Variants in DACH2 observed in about 807,000 individuals in gnomAD.
DACH2 encodes dachshund homolog 2.
A neutral mutation model predicts 35.8 loss-of-function variants in DACH2; 17 were observed. That is an observed-to-expected ratio of 0.48 (90% CI 0.33 to 0.71). DACH2 has a LOEUF of 0.71. Ranked by LOEUF, DACH2 falls within the 30% of genes least tolerant of loss-of-function variation. DACH2 has a pLI of 0.02. For missense variants in DACH2, 469 were observed against 472.7 expected, an observed-to-expected ratio of 0.99 and a Z score of 0.07; for synonymous variants, 195 against 177.3, an observed-to-expected ratio of 1.10 and a Z score of -0.79.
intron 5 of DACH2, among the ~76,000 whole-genome samples, chrX:86,708,997 T>C (rs907420423): frequency 1.8e-5 from 2 of 111,524 alleles, no homozygotes; most frequent in African/African-American, 6.5e-5. Flanking sequence ...ATCTATAGAT[T>C]CAATATATTC....
At chrX:86,736,940 C>T (rs757318871) in intron 6 of DACH2, among the ~76,000 whole-genome samples, 56 of 111,312 alleles carry the variant, frequency 5.0e-4, no homozygotes, top group Non-Finnish European at 9.8e-4. Context: ...GAATGTTCTG[C>T]GGTTTTTGCA....
chrX:86,444,786 T>A (rs1278244865), intron 2 of DACH2, among the ~76,000 whole-genome samples: 7 of 111,608 alleles, frequency 6.3e-5, no homozygotes, highest in Non-Finnish European at 1.1e-4. Flanking sequence ...TCTTCTATGA[T>A]TTTTTAATTC....
At chrX:86,578,199 G>T (rs1183350757) in intron 3 of DACH2, among the ~76,000 whole-genome samples, 2 of 110,998 alleles carry the variant, frequency 1.8e-5, no homozygotes, top group Admixed American at 9.6e-5. Context: ...GCATTAAATT[G>T]GAGGAAATTC....
At chrX:86,799,253 C>A in intron 7 of DACH2, 1 of 175,444 alleles carries the variant, frequency 5.7e-6, no homozygotes. Flanking sequence ...GTGGCCACCC[C>A]TTCCCAACAG....
chrX:86,387,650 A>G (rs1423151116), intron 2 of DACH2, among the ~76,000 whole-genome samples: 1 of 112,161 alleles, frequency 8.9e-6, no homozygotes, highest in East Asian at 2.8e-4. Context: ...GCATAATTCA[A>G]TGCAAATTTC....
Position 86,714,639 on chromosome X carries a change from C to T in DACH2, c.1023C>T (p.Asn341=). The T allele has an allele frequency of 8.3e-7, 1 of 1,208,858 alleles. No individual in the cohort carries two copies. Among genetic ancestry groups the T allele is most frequent in the Non-Finnish European group, 1.1e-6 (1 of 893,250 alleles). ...ASVAMAMNQM[N]HLNTIANMAA... Reference sequence around the variant, plus strand: ...TTGCCATGGCAATGAATCAGATGAACCATCTCAATACTATTGCCAACATGG... The same window carrying T: ...TTGCCATGGCAATGAATCAGATGAATCATCTCAATACTATTGCCAACATGG... Residue 341 remains asparagine (N), a synonymous_variant, in exon 6 of 12, where the codon AAC becomes AAT. Coordinates refer to ENST00000373125, the MANE Select transcript of DACH2 (RefSeq NM_053281.3).
At chrX:86,255,176 A>G (rs1569318331) in intron 1 of DACH2, among the ~76,000 whole-genome samples, 2 of 111,301 alleles carry the variant, frequency 1.8e-5, no homozygotes, top group Non-Finnish European at 3.8e-5. Flanking sequence ...GGAAAAGATG[A>G]AAACAAAAAA....
At chrX:86,159,884 A>T (rs2030685454) in intron 1 of DACH2, among the ~76,000 whole-genome samples, 1 of 111,642 alleles carries the variant, frequency 9.0e-6, no homozygotes, top group Admixed American at 9.5e-5. Flanking sequence ...TTACCTGTCT[A>T]AATATATTTT....
intron 2 of DACH2, among the ~76,000 whole-genome samples, chrX:86,493,091 T>G (rs1367376841): frequency 8.9e-6 from 1 of 112,045 alleles, no homozygotes; most frequent in Non-Finnish European, 1.9e-5. Flanking sequence ...GTGTTCCCTT[T>G]TCTCTGTAGC....
intron 3 of DACH2, among the ~76,000 whole-genome samples, chrX:86,647,601 G>C (rs2040430483): frequency 1.8e-5 from 2 of 110,760 alleles, no homozygotes; most frequent in African/African-American, 3.3e-5. Context: ...GAGATCTACT[G>C]TACAGCATAG....
At chrX:86,436,093 C>T (rs56034418) in intron 2 of DACH2, among the ~76,000 whole-genome samples, 9,761 of 108,904 alleles carry the variant, frequency 0.09, 1,073 homozygotes, top group African/African-American at 0.31. Context: ...TTAATTAACA[C>T]GTTATTAGTT....
chrX:86,394,594 G>A (rs1212379417), intron 2 of DACH2, among the ~76,000 whole-genome samples: 3 of 111,481 alleles, frequency 2.7e-5, no homozygotes, highest in Non-Finnish European at 3.8e-5. Context: ...AAGATCTTTT[G>A]CTTATAAGCT....
chrX:86,330,854 A>G (rs1010742688), intron 1 of DACH2, among the ~76,000 whole-genome samples: 1 of 111,648 alleles, frequency 9.0e-6, no homozygotes, highest in African/African-American at 3.3e-5. Context: ...TGAGGTGGAT[A>G]ATTTAGACTG....
At chrX:86,743,893 C>T (rs1169399302) in intron 7 of DACH2, among the ~76,000 whole-genome samples, 1 of 111,092 alleles carries the variant, frequency 9.0e-6, no homozygotes, top group Non-Finnish European at 1.9e-5. Flanking sequence ...AACCCAGCAA[C>T]AATTTGTTCC....
intron 2 of DACH2, among the ~76,000 whole-genome samples, chrX:86,471,666 A>G (rs68185838): frequency 0.037 from 4,103 of 111,106 alleles, 84 homozygotes; most frequent in East Asian, 0.22. Context: ...GAGACAGTTG[A>G]CAGGCATCAT....
intron 6 of DACH2, among the ~76,000 whole-genome samples, chrX:86,727,632 C>G (rs1358278232): frequency 9.0e-6 from 1 of 110,558 alleles, no homozygotes; most frequent in Non-Finnish European, 1.9e-5. Context: ...AGCTCTCACT[C>G]TGAGTTGACA....
At chrX:86,225,453 CCT>C (rs1361146359) in intron 1 of DACH2, among the ~76,000 whole-genome samples, 1 of 110,753 alleles carries the variant, frequency 9.0e-6, no homozygotes, top group East Asian at 2.8e-4. Context: ...GAGATTTTCC[CCT>C]GTTAATTCTT....
intron 3 of DACH2, among the ~76,000 whole-genome samples, chrX:86,583,297 G>A (rs2039525456): frequency 9.1e-6 from 1 of 110,387 alleles, no homozygotes; most frequent in Non-Finnish European, 1.9e-5. Flanking sequence ...TTTGAGAACT[G>A]GAATAAGACA....
chrX:86,715,552 T>C (rs1352733773), intron 6 of DACH2, among the ~76,000 whole-genome samples: 1 of 111,626 alleles, frequency 9.0e-6, no homozygotes, highest in Non-Finnish European at 1.9e-5. Flanking sequence ...ACCCATTGAT[T>C]TCCTCCTTTA....
Sources: allele counts gnomAD v4.1 joint callset (sites outside exome capture counted in the v4.1 genomes callset), GRCh38; gene constraint gnomAD v4.1.1; transcripts MANE v1.5; gene names NCBI Gene and HGNC (gene_info 2026-07-23, HGNC 2026-07-21).